Variants in HTR7 observed in about 807,000 individuals in gnomAD.
The protein encoded by HTR7 is 5-HT-7.
HTR7 carries 16 observed loss-of-function variants against 34.0 expected under a neutral mutation model. That is an observed-to-expected ratio of 0.47 (90% CI 0.32 to 0.71). The LOEUF is 0.71. Among genes scored for constraint, HTR7 ranks in the 30% least tolerant of loss-of-function variants. The pLI is 0.04. For synonymous variants in HTR7, 265 were observed against 260.2 expected, an observed-to-expected ratio of 1.02 and a Z score of -0.18; for missense variants, 504 against 625.5, an observed-to-expected ratio of 0.81 and a Z score of 2.07.
intron 1 of HTR7, among the ~76,000 whole-genome samples, chr10:90,767,538 C>T (rs1845043128): frequency 6.6e-6 from 1 of 152,152 alleles, no homozygotes; most frequent in African/African-American, 2.4e-5. Context: ...ATATTCTTTG[C>T]CATCCCTCTT....
intron 1 of HTR7, among the ~76,000 whole-genome samples, chr10:90,834,065 G>A (rs1200360295): frequency 5.9e-5 from 9 of 152,254 alleles, no homozygotes; most frequent in South Asian, 2.1e-4. Flanking sequence ...AAGAGAATGC[G>A]AAAACAGAAA....
chr10:90,755,183 A>T (rs1196157535), intron 1 of HTR7, among the ~76,000 whole-genome samples: 1 of 152,196 alleles, frequency 6.6e-6, no homozygotes, highest in Admixed American at 6.5e-5. Flanking sequence ...TGTATATTTC[A>T]TCTGAACAGT....
chr10:90,762,363 G>A (rs550916540), intron 1 of HTR7, among the ~76,000 whole-genome samples: 96 of 152,250 alleles, frequency 6.3e-4, no homozygotes, highest in African/African-American at 2.2e-3. Context: ...TTGTGGTTCT[G>A]TTTATGTTTC....
chr10:90,839,810 A>G (rs748631899), intron 1 of HTR7, among the ~76,000 whole-genome samples: 1 of 152,188 alleles, frequency 6.6e-6, no homozygotes, highest in Non-Finnish European at 1.5e-5. Flanking sequence ...TAATAAAACA[A>G]CACAATTGTT....
Position 90,857,360 on chromosome 10 carries a change from GATC to G in HTR7, c.309_311del (p.Ile104del). On this transcript the variant is annotated inframe_deletion, in exon 1 of 4. Transcript: ENST00000336152. The surrounding 1 kb of genome is among the most constrained non-coding windows in gnomAD (Gnocchi z 6.5). Reference sequence around the variant, plus strand: ...GGAGCTTCTTGACGAAGCACACGGAGATCACCACCAGGCAGTTGCCCGCGATCG... The same window carrying G: ...GGAGCTTCTTGACGAAGCACACGGAGACCACCAGGCAGTTGCCCGCGATCG... The G allele has an allele frequency of 6.2e-7, 1 of 1,614,148 alleles. No individual in the cohort carries two copies. The highest frequency in any genetic ancestry group is 8.5e-7 in the Non-Finnish European group (1 of 1,180,028).
chr10:90,821,836 T>C (rs967659605), intron 1 of HTR7, among the ~76,000 whole-genome samples: 10 of 150,256 alleles, frequency 6.7e-5, no homozygotes, highest in Non-Finnish European at 1.5e-4. Flanking sequence ...TGAAAGTATA[T>C]AGCACCTCCC....
chr10:90,796,909 G>A (rs1028213794), intron 1 of HTR7, among the ~76,000 whole-genome samples: 13 of 151,960 alleles, frequency 8.6e-5, no homozygotes, highest in African/African-American at 3.1e-4. Context: ...TTACTCGGGA[G>A]GCTGAGGCAG....
chr10:90,798,007 A>T (rs1237646190), intron 1 of HTR7, among the ~76,000 whole-genome samples: 2 of 152,192 alleles, frequency 1.3e-5, no homozygotes, highest in Non-Finnish European at 2.9e-5. Context: ...CACTCTTTCT[A>T]TAATGGTATT....
rs574123384 is a variant in HTR7, at chr10:90,744,531, T to TAC, written c.1296-843_1296-842dup. ...TGCAGATTCACTGATGGCTTACTAC[T>TAC]ACAGAGTGTCCCACATTTAGCATTA... On this transcript the variant is annotated intron_variant, in intron 2 of 3. Coordinates refer to ENST00000336152, the MANE Select transcript of HTR7 (RefSeq NM_019859.4). Among the ~76,000 whole-genome samples, 9 of 139,614 alleles carry TAC rather than the reference T, an allele frequency of 6.4e-5. No homozygotes were observed. In the South Asian group the frequency reaches 2.1e-3, roughly 32 times the overall value. The allele number at this position is 139,614 out of a possible 152,430, so 91.6% of individuals were successfully genotyped here. A position where few individuals can be genotyped will look rare whatever the true frequency, so the allele number is the denominator to read the frequency against.
intron 1 of HTR7, among the ~76,000 whole-genome samples, chr10:90,761,633 C>CGTGTGTGTGTGTGT (rs3981197): frequency 6.8e-6 from 1 of 147,374 alleles, no homozygotes; most frequent in Admixed American, 6.8e-5. Flanking sequence ...TGTGTGTATG[C>CGTGTGTGTGTGTGT]GTGTGTGTGT....
chr10:90,837,722 C>T (rs934315062), intron 1 of HTR7, among the ~76,000 whole-genome samples: 10 of 152,212 alleles, frequency 6.6e-5, no homozygotes, highest in African/African-American at 2.4e-4. Context: ...CACATCTGGG[C>T]TGGAATCCAG....
chr10:90,856,680 C>T (rs1482467202), intron 1 of HTR7, among the ~76,000 whole-genome samples: 1 of 152,086 alleles, frequency 6.6e-6, no homozygotes. Context: ...TAGAACCATC[C>T]AAGGTCCTTT....
At position 90,838,320 on chromosome 10, in the gene HTR7, G is replaced by A. The variant is rs544032484; in HGVS notation, c.539+18813C>T. ...TCATCCTTCATGCCTGTCTCCCTCAGCGCCTACATCCAGTCCATCAGCAAG... is the reference window on the plus strand; with the variant it reads ...TCATCCTTCATGCCTGTCTCCCTCAACGCCTACATCCAGTCCATCAGCAAG... On this transcript the variant is annotated intron_variant, in intron 1 of 3. Coordinates refer to ENST00000336152, the MANE Select transcript of HTR7 (RefSeq NM_019859.4). Among the ~76,000 whole-genome samples, 321 of 152,180 alleles carry A rather than the reference G, an allele frequency of 2.1e-3. 1 individual carries two copies. Among genetic ancestry groups the A allele is most frequent in the Middle Eastern group, 0.01 (3 of 294 alleles).
intron 1 of HTR7, among the ~76,000 whole-genome samples, chr10:90,852,133 A>C (rs975564121): frequency 1.3e-5 from 2 of 151,436 alleles, no homozygotes; most frequent in African/African-American, 4.9e-5. Context: ...CCAGGGTGGG[A>C]GAATTACTTG....
At chr10:90,847,124 C>T (rs1846423304) in intron 1 of HTR7, among the ~76,000 whole-genome samples, 1 of 152,152 alleles carries the variant, frequency 6.6e-6, no homozygotes, top group Admixed American at 6.5e-5. Flanking sequence ...AACACAAGTT[C>T]CATCCATACA....
At chr10:90,792,595 C>G (rs1008532912) in intron 1 of HTR7, among the ~76,000 whole-genome samples, 1 of 151,930 alleles carries the variant, frequency 6.6e-6, no homozygotes, top group Non-Finnish European at 1.5e-5. Context: ...GCTTGACTTA[C>G]CATTTTTCAA....
At chr10:90,843,239 A>C (rs1168795829) in intron 1 of HTR7, among the ~76,000 whole-genome samples, 1 of 150,990 alleles carries the variant, frequency 6.6e-6, no homozygotes, top group Non-Finnish European at 1.5e-5. Context: ...TTAACTGAAC[A>C]CCTACCAAGT....
At chr10:90,794,068 C>A (rs1331187408) in intron 1 of HTR7, among the ~76,000 whole-genome samples, 2 of 152,186 alleles carry the variant, frequency 1.3e-5, no homozygotes, top group African/African-American at 4.8e-5. Context: ...AACACAGATA[C>A]ACCCAGGAAA....
In HTR7 at chr10:90,858,037, T is replaced by C. The variant is rs917905051; in HGVS notation, c.-366A>G. 2.1e-5 allele frequency among the ~76,000 whole-genome samples: 3 copies of C among 142,040 alleles called. No homozygotes were observed. Among genetic ancestry groups the C allele is most frequent in the Non-Finnish European group, 4.6e-5 (3 of 65,580 alleles). 93.2% of individuals were successfully genotyped at this position (142,040 alleles called of 152,430 possible). ...GGCGGCAGCGGCAGAAGTTGCGGAG[T>C]GCGCCCCGCCCCTCGCGCCCGCCGC... is the stretch of plus-strand genomic sequence containing the variant. On this transcript the variant is annotated 5_prime_UTR_variant, in exon 1 of 4. Coordinates refer to ENST00000336152, the MANE Select transcript of HTR7 (RefSeq NM_019859.4).
Sources: gnomAD v4.1 joint callset for allele counts (sites outside exome capture counted in the v4.1 genomes callset) on GRCh38, gnomAD v4.1.1 for gene constraint, Gnocchi (gnomAD v3.1) non-coding constraint, MANE v1.5 for transcripts, NCBI Gene and HGNC (gene_info 2026-07-23, HGNC 2026-07-21) for gene names.